The following WWTR1 variants were observed in gnomAD, a reference collection of about 807,000 sequenced individuals.
WWTR1 encodes WW domain containing transcription regulator 1.
A neutral mutation model predicts 40.1 loss-of-function variants in WWTR1; 13 were observed. The observed-to-expected ratio is 0.32, with a 90% CI of 0.21 to 0.52. The LOEUF is 0.52. Ranked by LOEUF, WWTR1 falls within the 20% of genes least tolerant of loss-of-function variation. WWTR1 has a pLI of 0.97. For synonymous variants in WWTR1, 230 were observed against 210.1 expected (o/e 1.09, Z -0.82); for missense variants, 436 against 523.1 (o/e 0.83, Z 1.63).
chr3:149,541,457 T>G (rs1456847020), intron 4 of WWTR1, among the ~76,000 whole-genome samples: 1 of 152,230 alleles, frequency 6.6e-6, no homozygotes, highest in Admixed American at 6.5e-5. Flanking sequence ...CCAGGCAGTT[T>G]TGCAGAGCAC....
intron 1 of WWTR1, among the ~76,000 whole-genome samples, chr3:149,699,316 G>A (rs918865748): frequency 5.0e-5 from 7 of 139,630 alleles, no homozygotes; most frequent in Non-Finnish European, 1.1e-4. Context: ...TTTTTGAGAT[G>A]GAGTTTCGCT....
At chr3:149,574,088 T>C (rs774736231) in intron 2 of WWTR1, among the ~76,000 whole-genome samples, 9 of 152,070 alleles carry the variant, frequency 5.9e-5, no homozygotes, top group Non-Finnish European at 1.0e-4. Flanking sequence ...TGGAGTACAG[T>C]GGCATAATCA....
At chr3:149,561,677 A>ATG (rs1560061109) in intron 3 of WWTR1, among the ~76,000 whole-genome samples, 4 of 152,042 alleles carry the variant, frequency 2.6e-5, no homozygotes, top group Non-Finnish European at 2.9e-5. Flanking sequence ...AACCAAGTAC[A>ATG]GTATCTCAAC....
intron 2 of WWTR1, among the ~76,000 whole-genome samples, chr3:149,627,442 T>C (rs1227681349): frequency 3.3e-5 from 5 of 152,140 alleles, no homozygotes; most frequent in Admixed American, 2.6e-4. Context: ...TATACAGTCC[T>C]AGGAGTGAGG....
intron 5 of WWTR1, among the ~76,000 whole-genome samples, chr3:149,716,931 C>T (rs1232677940): frequency 1.3e-5 from 2 of 152,164 alleles, no homozygotes; most frequent in Non-Finnish European, 2.9e-5. Flanking sequence ...AATCCTTGCA[C>T]TTTGGGAAGC....
intron 4 of WWTR1, 61 bp downstream of exon 4, chr3:149,542,274 T>C: frequency 1.3e-6 from 2 of 1,561,082 alleles, no homozygotes; most frequent in Non-Finnish European, 1.7e-6. Context: ...AGCAGCTACC[T>C]ACCCATCAGC....
intron 2 of WWTR1, among the ~76,000 whole-genome samples, chr3:149,580,856 C>T (rs1402512263): frequency 6.6e-6 from 1 of 152,228 alleles, no homozygotes; most frequent in Non-Finnish European, 1.5e-5. Context: ...AGGCCATCCA[C>T]CCGCCTCAGG....
intron 1 of WWTR1, among the ~76,000 whole-genome samples, chr3:149,672,241 C>T (rs9810249): frequency 0.57 from 86,479 of 151,596 alleles, 24,940 homozygotes; most frequent in Admixed American, 0.66. Context: ...TACCAAAGTT[C>T]GCCAACCGCT....
chr3:149,719,112 C>A (rs2108236733), intron 4 of WWTR1, among the ~76,000 whole-genome samples: 1 of 151,924 alleles, frequency 6.6e-6, no homozygotes, highest in South Asian at 2.1e-4. Context: ...AGATGTGAGG[C>A]ACCATGCCTG....
rs756242761 is a variant in WWTR1 at position 149,657,072 on chromosome 3, C to G, written c.235G>C (p.Ala79Pro). 1 of 1,564,422 alleles carries G rather than the reference C, an allele frequency of 6.4e-7. No homozygotes were observed. Among genetic ancestry groups the G allele is most frequent in the Non-Finnish European group, 8.6e-7 (1 of 1,159,520 alleles). ...SSGGHPGPRL[A>P]GGAQHVRSHS... ...GAGCGGACATGCTGGGCACCCCCAG[C>G]CAGTCGAGGCCCCGGGTGGCCGCCC... The change falls in exon 2 of 7, where the codon GCT becomes CCT. Residue 79 changes from alanine (A) to proline (P), a missense_variant. Ala to Pro is a conservative substitution (Grantham distance 27). Coordinates refer to ENST00000360632, the MANE Select transcript of WWTR1 (RefSeq NM_015472.6).
chr3:149,686,138 A>C (rs996001404), intron 1 of WWTR1, among the ~76,000 whole-genome samples: 3 of 152,210 alleles, frequency 2.0e-5, no homozygotes, highest in Non-Finnish European at 2.9e-5. Flanking sequence ...GAGGTTACCA[A>C]GTAGAGCACC....
intron 2 of WWTR1, among the ~76,000 whole-genome samples, chr3:149,666,429 G>T (rs1713821049): frequency 6.6e-6 from 1 of 152,086 alleles, no homozygotes; most frequent in Non-Finnish European, 1.5e-5. Flanking sequence ...TATATTTCTA[G>T]ATAATCTTAG....
chr3:149,535,843 T>C (rs1735807326), intron 4 of WWTR1, among the ~76,000 whole-genome samples: 1 of 151,822 alleles, frequency 6.6e-6, no homozygotes, highest in Non-Finnish European at 1.5e-5. Flanking sequence ...CAAAACCCCG[T>C]CTCTACTAAA....
chr3:149,724,465 T>C (rs1715826034), intron 3 of WWTR1, among the ~76,000 whole-genome samples: 1 of 150,538 alleles, frequency 6.6e-6, no homozygotes, highest in Non-Finnish European at 1.5e-5. Flanking sequence ...ACTTGAATAA[T>C]TTTTATACCG....
chr3:149,570,933 C>T (rs1306753118), intron 3 of WWTR1, among the ~76,000 whole-genome samples: 1 of 152,154 alleles, frequency 6.6e-6, no homozygotes, highest in African/African-American at 2.4e-5. Flanking sequence ...ACACTAGTAA[C>T]AACCTAAATA....
intron 3 of WWTR1, among the ~76,000 whole-genome samples, chr3:149,544,530 C>T (rs999747092): frequency 1.3e-5 from 2 of 152,120 alleles, no homozygotes; most frequent in African/African-American, 4.8e-5. Flanking sequence ...TGTTAGGCTA[C>T]ATAAGGAACC....
intron 2 of WWTR1, among the ~76,000 whole-genome samples, chr3:149,642,239 G>C (rs886507737): frequency 1.3e-5 from 2 of 151,530 alleles, no homozygotes; most frequent in Non-Finnish European, 2.9e-5. Flanking sequence ...TGATCAACAG[G>C]GAGAAACCCC....
chr3:149,632,754 T>A (rs531532714), intron 2 of WWTR1, among the ~76,000 whole-genome samples: 75 of 152,352 alleles, frequency 4.9e-4, no homozygotes, highest in African/African-American at 1.7e-3. Flanking sequence ...TGCTACAACA[T>A]AGAGGAGCCT....
chr3:149,567,405 G>C (rs183967961), intron 3 of WWTR1, among the ~76,000 whole-genome samples: 2 of 152,288 alleles, frequency 1.3e-5, no homozygotes, highest in Middle Eastern at 3.4e-3. Context: ...TGAATGACCT[G>C]ACAGTCACAA....
Sources: gnomAD v4.1 joint callset for allele counts (sites outside exome capture counted in the v4.1 genomes callset) on GRCh38, gnomAD v4.1.1 for gene constraint, MANE v1.5 for transcripts, NCBI Gene and HGNC (gene_info 2026-07-23, HGNC 2026-07-21) for gene names.